The following URB1 variants were observed in gnomAD, a reference collection of about 807,000 sequenced individuals.
URB1 encodes the protein nucleolar pre-ribosomal-associated protein 1.
In URB1, 197 loss-of-function variants were observed where a neutral mutation model predicts 242.3. The observed-to-expected ratio is 0.81, with a 90% CI of 0.72 to 0.91. URB1 has a LOEUF of 0.91. Among genes scored for constraint, URB1 ranks in the 40% least tolerant of loss-of-function variants. URB1 has a pLI of 0.00. For missense variants in URB1, 2,721 were observed against 2,860.5 expected (o/e 0.95, Z 1.11); for synonymous variants, 1,153 against 1,201.8 (o/e 0.96, Z 0.84).
At chr21:32,353,902 C>T (rs1189350164) in intron 18 of URB1, 31 bp downstream of exon 18, 1 of 1,547,416 alleles carries the variant, frequency 6.5e-7, no homozygotes, top group South Asian at 1.2e-5. Context: ...CGGCCAGGTG[C>T]AGCCAAGACA....
intron 3 of URB1, among the ~76,000 whole-genome samples, chr21:32,383,887 A>G (rs1272683797): frequency 6.6e-6 from 1 of 152,184 alleles, no homozygotes; most frequent in East Asian, 1.9e-4. Flanking sequence ...CTTCTTCACA[A>G]AGGCATCTCT....
chr21:32,347,894 G>A (rs2033111834), intron 21 of URB1, 83 bp from the exon 22 acceptor site: 9 of 1,449,066 alleles, frequency 6.2e-6, no homozygotes, highest in Non-Finnish European at 8.2e-6. Flanking sequence ...AGTATTCACT[G>A]TTGTTAGCGA....
chr21:32,335,841 C>T (rs2032952420), intron 28 of URB1, among the ~76,000 whole-genome samples: 1 of 152,250 alleles, frequency 6.6e-6, no homozygotes. Flanking sequence ...CTCTGTGCCC[C>T]TTAGAGCCAC....
In URB1 at chr21:32,311,433, CAAT is replaced by C. The variant is rs1483344613; in HGVS notation, c.*3482_*3484del. 6.8e-6 allele frequency: 1 copy of C among 147,000 alleles called. No homozygotes were observed. The highest frequency in any genetic ancestry group is 2.0e-4 in the East Asian group (1 of 5,054). The allele number at this position is 147,000 out of a possible 1,614,324, so 9.1% of individuals were successfully genotyped here. Reference sequence around the variant, plus strand: ...ACCCCCCACCCCCCCCATCCTAAATCAATGTAGGAAGAAGTGGCCTCCAGGGAA... The same window carrying C: ...ACCCCCCACCCCCCCCATCCTAAATCGTAGGAAGAAGTGGCCTCCAGGGAA... On this transcript the variant is annotated 3_prime_UTR_variant, in exon 39 of 39. Transcript: ENST00000382751.
Position 32,349,499 on chromosome 21 carries a change from C to T in URB1, c.2833-16G>A, listed in dbSNP as rs950687684. 9 of 1,532,012 alleles carry T rather than the reference C, an allele frequency of 5.9e-6. No homozygotes were observed. The Admixed American group carries it at 1.7e-4, about 29-fold the overall frequency. 94.9% of individuals were successfully genotyped at this position (1,532,012 alleles called of 1,614,324 possible). On this transcript the variant is annotated splice_polypyrimidine_tract_variant and intron_variant, in intron 20 of 38. Coordinates refer to ENST00000382751, the MANE Select transcript of URB1 (RefSeq NM_014825.3). ...TTCTGCCCAGCTGTGAGGACAAGAG[C>T]ACGAGCCTCAGCAGGGAAGAGACGG...
Position 32,350,634 on chromosome 21 carries a change from C to T in URB1, c.2832+70G>A, listed in dbSNP as rs543363590. ...GCAAGAGTGTGCTGGGCTGTGGGCCCGACTCAGAGAAGGCTTAGCTCTCTG... is the reference window on the plus strand; with the variant it reads ...GCAAGAGTGTGCTGGGCTGTGGGCCTGACTCAGAGAAGGCTTAGCTCTCTG... On this transcript the variant is annotated intron_variant, in intron 20 of 38. Coordinates refer to ENST00000382751, the MANE Select transcript of URB1 (RefSeq NM_014825.3). 3.1e-5 allele frequency: 46 copies of T among 1,505,066 alleles called. No individual in the cohort carries two copies. The South Asian group carries it at 3.8e-4, about 12-fold the overall frequency. 93.2% of individuals were successfully genotyped at this position (1,505,066 alleles called of 1,614,324 possible). A position where few individuals can be genotyped will look rare whatever the true frequency, so the allele number is the denominator to read the frequency against.
At chr21:32,387,144 T>A (rs111391214) in intron 1 of URB1, among the ~76,000 whole-genome samples, 45 of 152,220 alleles carry the variant, frequency 3.0e-4, no homozygotes, top group African/African-American at 1.1e-3. Context: ...CTGAGGATTC[T>A]ACTACCCTTC....
chr21:32,324,513 T>A lies in URB1; in HGVS notation c.5211A>T (p.Ala1737=), dbSNP rs2032804898. 1 of 1,551,934 alleles carries A rather than the reference T, an allele frequency of 6.4e-7. No homozygotes were observed. The highest frequency in any genetic ancestry group is 2.0e-5 in the Admixed American group (1 of 50,996). ...TACCTGGTTTCAAAATCTGCAGGGC[T>A]GCTTTGGCAATGAAGAGAGCCAAGG... ...TFTLALFIAK[A]ALQILKPEEH... The change falls in exon 32 of 39, where the codon GCA becomes GCT. Residue 1737 remains alanine (A), a synonymous_variant. Coordinates refer to ENST00000382751, the MANE Select transcript of URB1 (RefSeq NM_014825.3).
intron 19 of URB1, among the ~76,000 whole-genome samples, chr21:32,352,226 A>T (rs1456762667): frequency 6.6e-6 from 1 of 152,236 alleles, no homozygotes; most frequent in Non-Finnish European, 1.5e-5. Context: ...AATCCCATTA[A>T]GAGAATGTAG....
intron 15 of URB1, among the ~76,000 whole-genome samples, chr21:32,357,125 A>G (rs998182613): frequency 8.5e-5 from 13 of 152,242 alleles, no homozygotes; most frequent in African/African-American, 2.4e-4. Flanking sequence ...AAACAAGATA[A>G]GGAAATAAAT....
rs555551293 is a variant in URB1 at position 32,353,588 on chromosome 21, G to A, written c.2416+345C>T. On this transcript the variant is annotated intron_variant, in intron 18 of 38. Coordinates refer to ENST00000382751, the MANE Select transcript of URB1 (RefSeq NM_014825.3). ...GCACTTCCTTGGGTCTAAGTTGCCT[G>A]GAAAATCCAACAAGTATGAAGGATT... 4.6e-5 allele frequency among the ~76,000 whole-genome samples: 7 copies of A among 152,270 alleles called. No homozygotes were observed. In the South Asian group the frequency reaches 1.5e-3, roughly 32 times the overall value.
intron 7 of URB1, 108 bp downstream of exon 7, chr21:32,373,539 C>G: frequency 8.0e-7 from 1 of 1,250,296 alleles, no homozygotes; most frequent in East Asian, 2.9e-5. Context: ...AGAAACAGAT[C>G]AAATGAGGGG....
intron 26 of URB1, among the ~76,000 whole-genome samples, chr21:32,337,814 C>T (rs950868453): frequency 6.6e-5 from 10 of 152,110 alleles, no homozygotes; most frequent in Middle Eastern, 3.4e-3. Flanking sequence ...TGAGCCACCG[C>T]GCCCAGCCCC....
intron 23 of URB1, among the ~76,000 whole-genome samples, 196 bp from the exon 24 acceptor site, chr21:32,344,952 G>A (rs1411679252): frequency 6.6e-6 from 1 of 152,084 alleles, no homozygotes; most frequent in Non-Finnish European, 1.5e-5. Flanking sequence ...TACAAGCAAG[G>A]GAAATACTAT....
rs2833765 is a variant in URB1, at chr21:32,321,947, A to G, written c.5341-3T>C. ...ACCCACTTCTGCTCTGTTTTTTGCTATAACCCAGGCACACAAAAAACTGTT... is the reference window on the plus strand; with the variant it reads ...ACCCACTTCTGCTCTGTTTTTTGCTGTAACCCAGGCACACAAAAAACTGTT... On this transcript the variant is annotated splice_region_variant and splice_polypyrimidine_tract_variant and intron_variant, in intron 33 of 38. Coordinates refer to ENST00000382751, the MANE Select transcript of URB1 (RefSeq NM_014825.3). 4 of 1,550,822 alleles carry G rather than the reference A, an allele frequency of 2.6e-6. No homozygotes were observed. The highest frequency in any genetic ancestry group is 2.7e-5 in the African/African-American group (2 of 72,996).
chr21:32,361,051 TGGG>T lies in URB1; in HGVS notation c.1709_1711del (p.Pro570del). On this transcript the variant is annotated inframe_deletion, in exon 13 of 39. Coordinates refer to ENST00000382751, the MANE Select transcript of URB1 (RefSeq NM_014825.3). ...GTCAAAGTTGTACTGCATGACCACG[TGGG>T]GGACCACCTTCTGGTAGAGGCATAT... 6.4e-7 allele frequency: 1 copy of T among 1,551,260 alleles called. No individual in the cohort carries two copies. Among genetic ancestry groups the T allele is most frequent in the Admixed American group, 2.0e-5 (1 of 50,946 alleles).
chr21:32,350,617 G>A, intron 20 of URB1, 87 bp downstream of exon 20: 1 of 1,433,924 alleles, frequency 7.0e-7, no homozygotes, highest in Non-Finnish European at 9.5e-7. Flanking sequence ...GAGCAAGAGT[G>A]TGCTGGGCTG....
Position 32,378,425 on chromosome 21 carries a change from G to C in URB1, c.664+20C>G. The C allele has an allele frequency of 3.9e-6, 6 of 1,545,438 alleles. No homozygotes were observed. The highest frequency in any genetic ancestry group is 5.3e-6 in the Non-Finnish European group (6 of 1,141,416). On this transcript the variant is annotated intron_variant, in intron 5 of 38. Transcript: ENST00000382751. ...TTCAAAACAAATGGGCTTTCCTAAC[G>C]GACAAGGGAGTACACCTACCTTTCA...
chr21:32,381,662 G>C (rs2033528466), intron 4 of URB1, among the ~76,000 whole-genome samples: 1 of 152,248 alleles, frequency 6.6e-6, no homozygotes, highest in Non-Finnish European at 1.5e-5. Flanking sequence ...ATAGATGATA[G>C]TGAGAAATTA....
Sources: gnomAD v4.1 joint callset for allele counts (sites outside exome capture counted in the v4.1 genomes callset) on GRCh38, gnomAD v4.1.1 for gene constraint, MANE v1.5 for transcripts, NCBI Gene and HGNC (gene_info 2026-07-23, HGNC 2026-07-21) for gene names.